The following VWC2 variants were observed in gnomAD, a reference collection of about 807,000 sequenced individuals.
VWC2 encodes the protein von Willebrand factor C domain containing 2, also known as brorin.
In VWC2, 14 loss-of-function variants were observed where a neutral mutation model predicts 29.8. That is an observed-to-expected ratio of 0.47 (90% CI 0.31 to 0.74). VWC2 has a LOEUF of 0.74. Ranked by LOEUF, VWC2 falls within the 30% of genes least tolerant of loss-of-function variation. The probability of loss-of-function intolerance (pLI) is 0.05; values close to 1 mark genes in which losing one functional copy is unlikely to be tolerated. For missense variants in VWC2, 457 were observed against 459.8 expected, an observed-to-expected ratio of 0.99 and a Z score of 0.05; for synonymous variants, 213 against 199.0, an observed-to-expected ratio of 1.07 and a Z score of -0.59.
intron 2 of VWC2, among the ~76,000 whole-genome samples, chr7:49,788,998 GTGCA>G (rs1788381952): frequency 6.7e-6 from 1 of 148,778 alleles, no homozygotes; most frequent in Non-Finnish European, 1.5e-5. Context: ...TGAGGTGTGG[GTGCA>G]TGCTTGAAAG....
chr7:49,872,306 A>C (rs1363192989), intron 3 of VWC2, among the ~76,000 whole-genome samples: 1 of 152,054 alleles, frequency 6.6e-6, no homozygotes, highest in East Asian at 1.9e-4. Context: ...AAAACATGAA[A>C]GGTCTTGGAT....
intron 2 of VWC2, among the ~76,000 whole-genome samples, chr7:49,797,907 A>G (rs1333975848): frequency 6.6e-6 from 1 of 152,236 alleles, no homozygotes; most frequent in Non-Finnish European, 1.5e-5. Context: ...GTGAAGAATG[A>G]CATTTCTGCC....
chr7:49,840,487 C>T (rs1407081999), intron 3 of VWC2, among the ~76,000 whole-genome samples: 4 of 152,186 alleles, frequency 2.6e-5, no homozygotes, highest in Non-Finnish European at 4.4e-5. Context: ...GGTGGAAAGC[C>T]GTTTTATAAA....
At chr7:49,832,789 C>T (rs562350600) in intron 3 of VWC2, among the ~76,000 whole-genome samples, 1 of 152,294 alleles carries the variant, frequency 6.6e-6, no homozygotes, top group African/African-American at 2.4e-5. Flanking sequence ...AAGACTTTGT[C>T]AAGCTATATT....
At chr7:49,851,953 C>T (rs763168657) in intron 3 of VWC2, among the ~76,000 whole-genome samples, 14 of 152,220 alleles carry the variant, frequency 9.2e-5, no homozygotes, top group Non-Finnish European at 1.5e-4. Flanking sequence ...TTTCCCACTC[C>T]CGTTCTAAGG....
chr7:49,815,669 A>G (rs555221079), intron 3 of VWC2, among the ~76,000 whole-genome samples: 11 of 152,210 alleles, frequency 7.2e-5, no homozygotes, highest in African/African-American at 2.4e-4. Context: ...GTGAAAACCA[A>G]TGATCAGACT....
chr7:49,795,547 T>C (rs1788569341), intron 2 of VWC2, among the ~76,000 whole-genome samples: 1 of 152,222 alleles, frequency 6.6e-6, no homozygotes. Context: ...ATTACATGTG[T>C]AATTCAAATA....
At chr7:49,854,942 G>A (rs965206306) in intron 3 of VWC2, among the ~76,000 whole-genome samples, 4 of 152,212 alleles carry the variant, frequency 2.6e-5, no homozygotes, top group African/African-American at 9.7e-5. Context: ...CTGGTCCAGG[G>A]TAGAGGGGCT....
chr7:49,817,177 C>T (rs562226737), intron 3 of VWC2, among the ~76,000 whole-genome samples: 62 of 152,314 alleles, frequency 4.1e-4, no homozygotes, highest in Non-Finnish European at 7.9e-4. Flanking sequence ...GAAGATTATC[C>T]ATTCATACTC....
intron 3 of VWC2, among the ~76,000 whole-genome samples, chr7:49,883,077 A>T (rs1475515148): frequency 2.0e-5 from 3 of 152,078 alleles, no homozygotes; most frequent in Non-Finnish European, 4.4e-5. Context: ...AGAGAAGCCA[A>T]GACCAGATGA....
chr7:49,809,651 G>A (rs556846013), intron 3 of VWC2, among the ~76,000 whole-genome samples: 164 of 152,054 alleles, frequency 1.1e-3, no homozygotes, highest in South Asian at 5.8e-3. Flanking sequence ...TCTGAATACA[G>A]CACCATATAA....
At chr7:49,879,526 C>T (rs921550810) in intron 3 of VWC2, among the ~76,000 whole-genome samples, 11 of 152,122 alleles carry the variant, frequency 7.2e-5, no homozygotes, top group African/African-American at 2.4e-4. Flanking sequence ...TCAAGTTGAG[C>T]GTTAGTCCAT....
chr7:49,835,866 A>C (rs913351204), intron 3 of VWC2, among the ~76,000 whole-genome samples: 1 of 152,212 alleles, frequency 6.6e-6, no homozygotes, highest in Non-Finnish European at 1.5e-5. Context: ...ATATTTTTCG[A>C]ATTTGTTATA....
intron 3 of VWC2, among the ~76,000 whole-genome samples, chr7:49,821,683 G>A (rs1431687570): frequency 6.6e-6 from 1 of 151,350 alleles, no homozygotes; most frequent in African/African-American, 2.4e-5. Context: ...AAAAGCTTTT[G>A]GAAGTTGATT....
intron 3 of VWC2, among the ~76,000 whole-genome samples, chr7:49,872,540 T>C (rs1162673421): frequency 6.6e-6 from 1 of 151,560 alleles, no homozygotes; most frequent in African/African-American, 2.4e-5. Context: ...AATTTTAAGA[T>C]ACACAAAAAA....
At chr7:49,789,067 C>A (rs1333651104) in intron 2 of VWC2, among the ~76,000 whole-genome samples, 5 of 131,400 alleles carry the variant, frequency 3.8e-5, no homozygotes, top group Non-Finnish European at 8.2e-5. Flanking sequence ...TGTGTGGGTG[C>A]GTGAGTGTGT....
chr7:49,800,593 C>T (rs527543661), intron 2 of VWC2, among the ~76,000 whole-genome samples: 4 of 152,092 alleles, frequency 2.6e-5, no homozygotes, highest in African/African-American at 9.7e-5. Context: ...ATCATGTAAT[C>T]CACACCACCT....
intron 3 of VWC2, among the ~76,000 whole-genome samples, chr7:49,836,817 A>T (rs982716337): frequency 6.6e-6 from 1 of 152,162 alleles, no homozygotes; most frequent in Non-Finnish European, 1.5e-5. Context: ...TTAGTTGTAG[A>T]TATATGTAGA....
intron 3 of VWC2, among the ~76,000 whole-genome samples, chr7:49,841,294 G>T (rs1393949496): frequency 6.8e-6 from 1 of 146,528 alleles, no homozygotes; most frequent in Admixed American, 6.9e-5. Context: ...AACAGCCTAA[G>T]ATGTTTACAC....
Sources: gnomAD v4.1 joint callset for allele counts (sites outside exome capture counted in the v4.1 genomes callset) on GRCh38, gnomAD v4.1.1 for gene constraint, MANE v1.5 for transcripts, NCBI Gene and HGNC (gene_info 2026-07-23, HGNC 2026-07-21) for gene names.